The following ADORA2B variants were observed in gnomAD, a reference collection of about 807,000 sequenced individuals.
ADORA2B encodes the protein adenosine A2b receptor.
In ADORA2B, 18 loss-of-function variants were observed where a neutral mutation model predicts 20.8. That is an observed-to-expected ratio of 0.87 (90% CI 0.60 to 1.29). ADORA2B has a LOEUF of 1.29. ADORA2B is among the 50% of genes most tolerant of loss of function. The pLI is 0.00. For synonymous variants in ADORA2B, 179 were observed against 178.3 expected, an observed-to-expected ratio of 1.00 and a Z score of -0.03; for missense variants, 441 against 422.7, an observed-to-expected ratio of 1.04 and a Z score of -0.38.
At chr17:15,933,496 T>C in the ADORA2B span, among the ~76,000 whole-genome samples, 1 of 152,208 alleles carries the variant, frequency 6.6e-6, no homozygotes, top group Non-Finnish European at 1.5e-5. Context: ...TGTAGTTTTA[T>C]TTGTAAAAGT....
the ADORA2B span, among the ~76,000 whole-genome samples, chr17:15,906,177 G>A: frequency 3.9e-5 from 6 of 152,148 alleles, no homozygotes; most frequent in African/African-American, 1.4e-4. Context: ...AGCCATCCTG[G>A]CCTTGTTCCT....
In ADORA2B at chr17:15,975,346, AGGCTCTCGCCTCTT is replaced by A; in HGVS notation, c.*5_*18del. The stretch of plus-strand genomic sequence containing the variant: ...TGCTCTCGGTGTGGGCCTATGATCT[AGGCTCTCGCCTCTT>A]CCAGGAGAAGATACAAATCCACAAG... On this transcript the variant is annotated 3_prime_UTR_variant, in exon 2 of 2. Transcript: ENST00000304222. The A allele has an allele frequency of 6.2e-7, 1 of 1,607,530 alleles. No individual in the cohort carries two copies. Among genetic ancestry groups the A allele is most frequent in the Non-Finnish European group, 8.5e-7 (1 of 1,177,946 alleles).
the ADORA2B span, among the ~76,000 whole-genome samples, chr17:15,851,859 A>G: frequency 1.3e-5 from 2 of 152,202 alleles, no homozygotes; most frequent in Admixed American, 6.5e-5. Flanking sequence ...GAAAAACTTG[A>G]TAGACACATT....
At chr17:15,862,069 T>G in the ADORA2B span, among the ~76,000 whole-genome samples, 1 of 152,008 alleles carries the variant, frequency 6.6e-6, no homozygotes, top group African/African-American at 2.4e-5. Context: ...CTAACTTGAA[T>G]TGTCCTCCTT....
At chr17:15,900,664 G>A in the ADORA2B span, among the ~76,000 whole-genome samples, 18 of 151,708 alleles carry the variant, frequency 1.2e-4, no homozygotes, top group African/African-American at 3.4e-4. Context: ...TGCCTAGGCT[G>A]GTCTTGAACT....
the ADORA2B span, among the ~76,000 whole-genome samples, chr17:15,898,659 G>C: frequency 6.6e-6 from 1 of 151,968 alleles, no homozygotes; most frequent in African/African-American, 2.4e-5. Context: ...GAGCCACTGC[G>C]CCCGGCCTTG....
Position 15,966,962 on chromosome 17 carries a change from G to A in ADORA2B, c.336-7717G>A, listed in dbSNP as rs187017050. ...CGGGCTGGCGAACGGAAGGACGGAA[G>A]GACGTGGCCCATGCCCTTCAGGAAT... is the stretch of plus-strand genomic sequence containing the variant. On this transcript the variant is annotated intron_variant, in intron 1 of 1. Coordinates refer to ENST00000304222, the MANE Select transcript of ADORA2B (RefSeq NM_000676.4). Among the ~76,000 whole-genome samples, 1,249 of 152,360 alleles carry A rather than the reference G, an allele frequency of 8.2e-3. 10 individuals are homozygous for A. The highest frequency in any genetic ancestry group is 0.013 in the Non-Finnish European group (916 of 68,044).
chr17:15,893,573 C>T, the ADORA2B span, among the ~76,000 whole-genome samples: 1 of 150,588 alleles, frequency 6.6e-6, no homozygotes, highest in African/African-American at 2.5e-5. Flanking sequence ...CAGAGAAAGC[C>T]CTGCTGGAAT....
the ADORA2B span, among the ~76,000 whole-genome samples, chr17:15,888,125 A>G: frequency 9.3e-5 from 12 of 128,572 alleles, 2 homozygotes; most frequent in African/African-American, 4.0e-4. Flanking sequence ...TTGGGGGACA[A>G]TAGGTTGCTT....
chr17:15,903,615 C>T, the ADORA2B span, among the ~76,000 whole-genome samples: 1 of 152,028 alleles, frequency 6.6e-6, no homozygotes, highest in African/African-American at 2.4e-5. Flanking sequence ...CACTTGCTAT[C>T]TCCCTGTGGG....
chr17:15,870,019 A>G, the ADORA2B span, among the ~76,000 whole-genome samples: 14 of 151,582 alleles, frequency 9.2e-5, no homozygotes, highest in Middle Eastern at 3.4e-3. Context: ...AGTCAGATGA[A>G]TGGCAAATCC....
chr17:15,939,775 G>C, the ADORA2B span, among the ~76,000 whole-genome samples: 3 of 150,872 alleles, frequency 2.0e-5, no homozygotes, highest in Non-Finnish European at 4.4e-5. Context: ...GCAGGAGAAT[G>C]GCATGAACCC....
chr17:15,959,542 C>T (rs1970010216), intron 1 of ADORA2B, among the ~76,000 whole-genome samples: 1 of 149,522 alleles, frequency 6.7e-6, no homozygotes, highest in African/African-American at 2.5e-5. Flanking sequence ...GCTCTATCAC[C>T]CAGGCTGGGG....
At chr17:15,950,130 G>A (rs1969878464) in intron 1 of ADORA2B, among the ~76,000 whole-genome samples, 1 of 152,226 alleles carries the variant, frequency 6.6e-6, no homozygotes, top group Non-Finnish European at 1.5e-5. Context: ...GATCTTGAGA[G>A]AAGGAGCTTA....
At chr17:15,908,519 C>A in the ADORA2B span, 1 of 164,298 alleles carries the variant, frequency 6.1e-6, no homozygotes, top group South Asian at 1.7e-4. Context: ...TGTGCTCTGT[C>A]CCCCATGCAC....
At chr17:15,876,449 C>CTTTTTTTT in the ADORA2B span, among the ~76,000 whole-genome samples, 40 of 119,288 alleles carry the variant, frequency 3.4e-4, no homozygotes, top group Non-Finnish European at 5.2e-4. Context: ...TTTCTTTTTT[C>CTTTTTTTT]TTTTTTTTTT....
At chr17:15,879,800 G>A in the ADORA2B span, among the ~76,000 whole-genome samples, 1,326 of 149,988 alleles carry the variant, frequency 8.8e-3, 30 homozygotes, top group African/African-American at 0.031. Flanking sequence ...GCCTCCCAAG[G>A]TGCTGGGTTT....
At chr17:15,950,468 C>T (rs1005587588) in intron 1 of ADORA2B, among the ~76,000 whole-genome samples, 6 of 152,206 alleles carry the variant, frequency 3.9e-5, no homozygotes, top group African/African-American at 1.4e-4. Context: ...CCCTGGCAAA[C>T]TCTGCCACTT....
At chr17:15,918,794 G>A in the ADORA2B span, among the ~76,000 whole-genome samples, 1 of 152,156 alleles carries the variant, frequency 6.6e-6, no homozygotes, top group African/African-American at 2.4e-5. Flanking sequence ...CTTAGCGTAA[G>A]TACACCTCCT....
Sources: allele counts gnomAD v4.1 joint callset (sites outside exome capture counted in the v4.1 genomes callset), GRCh38; gene constraint gnomAD v4.1.1; transcripts MANE v1.5; gene names NCBI Gene and HGNC (gene_info 2026-07-23, HGNC 2026-07-21).